The following TUSC3 variants were observed in gnomAD, a reference collection of about 807,000 sequenced individuals.
The protein encoded by TUSC3 is tumor suppressor candidate 3, also known as dolichyl-diphosphooligosaccharide--protein glycosyltransferase subunit TUSC3.
Under a neutral mutation model 44.8 loss-of-function variants are expected in TUSC3, and 45 were observed. The observed-to-expected ratio is 1.00, with a 90% CI of 0.79 to 1.29. The LOEUF is 1.29. Among genes scored for constraint, TUSC3 ranks in the 50% most tolerant of loss-of-function variants. The probability of loss-of-function intolerance (pLI) is 0.00; values close to 1 mark genes in which losing one functional copy is unlikely to be tolerated. For missense variants in TUSC3, 519 were observed against 437.9 expected (o/e 1.19, Z -1.65); for synonymous variants, 212 against 152.9 (o/e 1.39, Z -2.85).
At chr8:15,733,351 G>C in intron 7 of TUSC3, 1 of 353,302 alleles carries the variant, frequency 2.8e-6, no homozygotes, top group Non-Finnish European at 5.5e-6. Flanking sequence ...GCTTCTTTTT[G>C]TTTTTTTTTT....
chr8:15,428,998 A>G (rs1799838879), intron 1 of TUSC3, among the ~76,000 whole-genome samples: 1 of 151,996 alleles, frequency 6.6e-6, no homozygotes, highest in Admixed American at 6.6e-5. Flanking sequence ...GTCAATTTTG[A>G]CTTCTGTTGC....
At chr8:15,567,032 T>C (rs562120181) in intron 1 of TUSC3, among the ~76,000 whole-genome samples, 2 of 152,218 alleles carry the variant, frequency 1.3e-5, no homozygotes, top group East Asian at 3.9e-4. Context: ...TAATGGCAAA[T>C]TGGGAATGTG....
chr8:15,662,799 T>C (rs776069821), intron 5 of TUSC3, among the ~76,000 whole-genome samples: 1 of 151,978 alleles, frequency 6.6e-6, no homozygotes, highest in Non-Finnish European at 1.5e-5. Flanking sequence ...TTATGTGTGC[T>C]ATGACGGCAG....
intron 2 of TUSC3, among the ~76,000 whole-genome samples, chr8:15,527,925 A>T (rs1469736814): frequency 2.0e-5 from 3 of 152,216 alleles, no homozygotes; most frequent in Non-Finnish European, 4.4e-5. Flanking sequence ...TTTTAGTAAT[A>T]AAACCAATAT....
At chr8:15,786,682 C>T in the TUSC3 span, among the ~76,000 whole-genome samples, 2 of 151,968 alleles carry the variant, frequency 1.3e-5, no homozygotes, top group Non-Finnish European at 2.9e-5. Flanking sequence ...TGGTGTCTCA[C>T]GCCTGTAATC....
In TUSC3 at chr8:15,466,054, C is replaced by T. The variant is rs192421373; in HGVS notation, n.92-17332C>T. On this transcript the variant is annotated intron_variant and non_coding_transcript_variant, in intron 1 of 5. Transcript: ENST00000503191. The stretch of plus-strand genomic sequence containing the variant: ...CCGAATTTTTAAACTCAATATATCC[C>T]GCTTTTTCTTCCTGGGAACAATGCT... 1.3e-4 allele frequency among the ~76,000 whole-genome samples: 20 copies of T among 152,246 alleles called. No individual in the cohort carries two copies. In the East Asian group the frequency reaches 2.3e-3, roughly 18 times the overall value.
intron 6 of TUSC3, among the ~76,000 whole-genome samples, chr8:15,703,850 G>T (rs1809504424): frequency 6.6e-6 from 1 of 152,116 alleles, no homozygotes; most frequent in African/African-American, 2.4e-5. Context: ...GAGATTTGGA[G>T]GGGACAAACA....
chr8:15,600,348 A>C (rs1804235104), intron 1 of TUSC3, among the ~76,000 whole-genome samples: 1 of 151,754 alleles, frequency 6.6e-6, no homozygotes, highest in Non-Finnish European at 1.5e-5. Context: ...TAAAAAATAG[A>C]GATGCTTCAT....
At chr8:15,715,405 G>C (rs1810018307) in intron 6 of TUSC3, among the ~76,000 whole-genome samples, 1 of 151,964 alleles carries the variant, frequency 6.6e-6, no homozygotes, top group Non-Finnish European at 1.5e-5. Context: ...TTCTTCCTGT[G>C]ATCTGTCAAC....
intron 1 of TUSC3, among the ~76,000 whole-genome samples, chr8:15,451,418 G>C (rs1202933224): frequency 6.6e-6 from 1 of 152,042 alleles, no homozygotes; most frequent in Non-Finnish European, 1.5e-5. Context: ...GCTGAAGGGC[G>C]AGTTGATCAC....
intron 3 of TUSC3, among the ~76,000 whole-genome samples, chr8:15,658,639 T>TATACACAC (rs140837147): frequency 2.0e-5 from 3 of 148,600 alleles, no homozygotes; most frequent in Non-Finnish European, 3.0e-5. Context: ...CACATATATA[T>TATACACAC]ACACACACAC....
chr8:15,848,944 C>T, the TUSC3 span, among the ~76,000 whole-genome samples: 1 of 152,178 alleles, frequency 6.6e-6, no homozygotes, highest in Admixed American at 6.6e-5. Flanking sequence ...ACAAGTATTA[C>T]TTCTTTACCT....
intron 1 of TUSC3, among the ~76,000 whole-genome samples, chr8:15,545,596 G>A (rs984232985): frequency 2.6e-5 from 4 of 151,694 alleles, no homozygotes; most frequent in African/African-American, 9.7e-5. Context: ...GTCTGTCCAC[G>A]TAAGAGATAG....
intron 1 of TUSC3, among the ~76,000 whole-genome samples, chr8:15,570,496 A>G (rs1455621721): frequency 6.6e-6 from 1 of 151,922 alleles, no homozygotes; most frequent in African/African-American, 2.4e-5. Flanking sequence ...TGGAAGAAGA[A>G]ATTGGAAATG....
At chr8:15,611,930 G>C (rs1296568412) in intron 1 of TUSC3, among the ~76,000 whole-genome samples, 3 of 152,132 alleles carry the variant, frequency 2.0e-5, no homozygotes, top group African/African-American at 7.2e-5. Flanking sequence ...ATATGCATCT[G>C]GCTGCTCATG....
the TUSC3 span, among the ~76,000 whole-genome samples, chr8:15,846,421 A>T: frequency 6.6e-6 from 1 of 152,156 alleles, no homozygotes; most frequent in African/African-American, 2.4e-5. Flanking sequence ...ACATGCACAC[A>T]TATGTTTATT....
the TUSC3 span, among the ~76,000 whole-genome samples, chr8:15,825,453 T>C: frequency 6.6e-6 from 1 of 152,020 alleles, no homozygotes; most frequent in African/African-American, 2.4e-5. Flanking sequence ...AAGAACAGCA[T>C]TGTGGAAAGA....
At chr8:15,735,034 A>G (rs1286840062) in intron 7 of TUSC3, among the ~76,000 whole-genome samples, 1 of 152,220 alleles carries the variant, frequency 6.6e-6, no homozygotes, top group African/African-American at 2.4e-5. Flanking sequence ...TTGAAGTATT[A>G]TGAGGTTGAG....
intron 10 of TUSC3, among the ~76,000 whole-genome samples, chr8:15,761,967 G>C (rs1812183445): frequency 6.6e-6 from 1 of 151,982 alleles, no homozygotes; most frequent in Non-Finnish European, 1.5e-5. Flanking sequence ...GTCAGATCTT[G>C]TTTAGAAATG....
Sources: gnomAD v4.1 joint callset for allele counts (sites outside exome capture counted in the v4.1 genomes callset) on GRCh38, gnomAD v4.1.1 for gene constraint, MANE v1.5 for transcripts, NCBI Gene and HGNC (gene_info 2026-07-23, HGNC 2026-07-21) for gene names.